Variants in TBC1D5 observed in about 807,000 individuals in gnomAD.
TBC1D5 encodes the protein TBC1 domain family, member 5.
A neutral mutation model predicts 100.3 loss-of-function variants in TBC1D5; 75 were observed. That is an observed-to-expected ratio of 0.75 (90% CI 0.62 to 0.91). The LOEUF is 0.91. Among genes scored for constraint, TBC1D5 ranks in the 40% least tolerant of loss-of-function variants. The pLI is 0.00. For synonymous variants in TBC1D5, 323 were observed against 325.6 expected (o/e 0.99, Z 0.09); for missense variants, 910 against 942.4 (o/e 0.97, Z 0.45).
intron 19 of TBC1D5, among the ~76,000 whole-genome samples, chr3:17,172,312 A>G (rs1269870429): frequency 6.6e-6 from 1 of 152,222 alleles, no homozygotes; most frequent in Non-Finnish European, 1.5e-5. Context: ...ATAAGGTGGC[A>G]TTTACAAACA....
chr3:17,528,782 C>T (rs2096176026), intron 2 of TBC1D5, among the ~76,000 whole-genome samples: 1 of 152,108 alleles, frequency 6.6e-6, no homozygotes, highest in South Asian at 2.1e-4. Flanking sequence ...GTTACTCAGT[C>T]CATTTTGATA....
intron 1 of TBC1D5, among the ~76,000 whole-genome samples, chr3:17,638,139 T>G (rs1437704260): frequency 6.6e-6 from 1 of 152,174 alleles, no homozygotes; most frequent in Non-Finnish European, 1.5e-5. Context: ...TCATGCATCT[T>G]ATTTTTTAAC....
intron 2 of TBC1D5, among the ~76,000 whole-genome samples, chr3:17,601,848 G>C (rs1303430000): frequency 1.3e-5 from 2 of 151,418 alleles, no homozygotes; most frequent in Non-Finnish European, 2.9e-5. Context: ...TTTATTTTTT[G>C]AGACCGAGTC....
chr3:17,288,565 T>C (rs1415249575), intron 15 of TBC1D5, among the ~76,000 whole-genome samples: 1 of 152,170 alleles, frequency 6.6e-6, no homozygotes, highest in Non-Finnish European at 1.5e-5. Flanking sequence ...AAGTGGTGCC[T>C]TTGTTTTAGC....
intron 13 of TBC1D5, among the ~76,000 whole-genome samples, chr3:17,321,889 CAG>C (rs141457235): frequency 1.7e-4 from 26 of 151,928 alleles, no homozygotes; most frequent in East Asian, 1.4e-3. Context: ...GTTTACAGTA[CAG>C]AGAGTTGGAT....
intron 15 of TBC1D5, among the ~76,000 whole-genome samples, chr3:17,263,739 A>T (rs888592751): frequency 1.3e-5 from 2 of 152,232 alleles, no homozygotes; most frequent in Admixed American, 6.5e-5. Context: ...GGTAGATGCA[A>T]GTTTTCTAGA....
chr3:17,258,435 T>C, intron 16 of TBC1D5, 71 bp downstream of exon 16: 1 of 1,424,778 alleles, frequency 7.0e-7, no homozygotes, highest in South Asian at 1.2e-5. Context: ...TTCAGCAATA[T>C]GTAAAATTTC....
At chr3:17,331,300 A>G (rs2086837387) in intron 13 of TBC1D5, among the ~76,000 whole-genome samples, 1 of 151,926 alleles carries the variant, frequency 6.6e-6, no homozygotes, top group Non-Finnish European at 1.5e-5. Context: ...CTTAATCTCC[A>G]TTTTCTCTCC....
intron 2 of TBC1D5, among the ~76,000 whole-genome samples, chr3:17,596,412 G>A (rs1229443684): frequency 1.1e-4 from 16 of 147,270 alleles, no homozygotes; most frequent in Admixed American, 4.8e-4. Flanking sequence ...TCTGCCTCCC[G>A]GGTTCAAGCA....
chr3:17,342,490 C>T (rs922132248), intron 13 of TBC1D5, among the ~76,000 whole-genome samples: 1 of 152,146 alleles, frequency 6.6e-6, no homozygotes, highest in African/African-American at 2.4e-5. Context: ...CTAGTTAGTA[C>T]AGTATGTAAT....
intron 17 of TBC1D5, among the ~76,000 whole-genome samples, chr3:17,227,653 C>A (rs143960096): frequency 6.6e-6 from 1 of 151,896 alleles, no homozygotes; most frequent in East Asian, 1.9e-4. Context: ...ATGATGAGAA[C>A]ACGTGGACAC....
At chr3:17,680,717 T>C (rs929618920) in intron 1 of TBC1D5, among the ~76,000 whole-genome samples, 2 of 151,526 alleles carry the variant, frequency 1.3e-5, no homozygotes, top group South Asian at 2.1e-4. Context: ...AGATGGTCAA[T>C]ACTGAGACAC....
chr3:17,269,690 G>A (rs1169436676), intron 15 of TBC1D5, among the ~76,000 whole-genome samples: 1 of 151,650 alleles, frequency 6.6e-6, no homozygotes, highest in Non-Finnish European at 1.5e-5. Context: ...CTGTTTCTGG[G>A]TTTAGGTCAG....
intron 13 of TBC1D5, among the ~76,000 whole-genome samples, chr3:17,362,138 A>G (rs1359449090): frequency 6.6e-6 from 1 of 152,210 alleles, no homozygotes; most frequent in Non-Finnish European, 1.5e-5. Context: ...TTACATAAAA[A>G]TTAAGCCAAA....
At position 17,485,790 on chromosome 3, in the gene TBC1D5, C is replaced by T. The variant is rs758343902; in HGVS notation, c.97+22684G>A. On this transcript the variant is annotated intron_variant, in intron 3 of 21. Coordinates refer to ENST00000253692, the Ensembl canonical transcript of TBC1D5. The stretch of plus-strand genomic sequence containing the variant: ...AAGTCTTTGCTATTGTGAATAGTGC[C>T]GCAATAAACATACGTGTGCATGTGT... Among the ~76,000 whole-genome samples, 259 of 151,502 alleles carry T rather than the reference C, an allele frequency of 1.7e-3. 1 individual carries two copies. The highest frequency in any genetic ancestry group is 6.8e-3 in the Middle Eastern group (2 of 294).
At chr3:17,399,400 A>T (rs1405440115) in intron 8 of TBC1D5, among the ~76,000 whole-genome samples, 1 of 152,162 alleles carries the variant, frequency 6.6e-6, no homozygotes, top group East Asian at 1.9e-4. Flanking sequence ...AAAACGGAAC[A>T]GAAACTTATG....
At chr3:17,653,751 A>C (rs1243618777) in intron 1 of TBC1D5, among the ~76,000 whole-genome samples, 1 of 152,172 alleles carries the variant, frequency 6.6e-6, no homozygotes, top group East Asian at 1.9e-4. Flanking sequence ...TAAGATGTTA[A>C]CATTAAGGGG....
At chr3:17,639,835 T>C (rs575116677) in intron 1 of TBC1D5, among the ~76,000 whole-genome samples, 5 of 152,252 alleles carry the variant, frequency 3.3e-5, no homozygotes, top group South Asian at 2.1e-4. Context: ...ACTCCAGGAA[T>C]AGCAAATAGG....
At chr3:17,412,412 TA>T (rs2093951994) in intron 4 of TBC1D5, among the ~76,000 whole-genome samples, 1 of 152,114 alleles carries the variant, frequency 6.6e-6, no homozygotes, top group Admixed American at 6.6e-5. Context: ...TTCCAGAGGG[TA>T]AACTGCTGAA....
Sources: gnomAD v4.1 joint callset for allele counts (sites outside exome capture counted in the v4.1 genomes callset) on GRCh38, gnomAD v4.1.1 for gene constraint, MANE v1.5 for transcripts, NCBI Gene and HGNC (gene_info 2026-07-23, HGNC 2026-07-21) for gene names.